The following MBD5 variants were observed in gnomAD, a reference collection of about 807,000 sequenced individuals.
The protein encoded by MBD5 is methyl-CpG binding domain protein 5.
A neutral mutation model predicts 117.3 loss-of-function variants in MBD5; 13 were observed. That is an observed-to-expected ratio of 0.11 (90% confidence interval 0.07 to 0.18). The LOEUF (loss-of-function observed/expected upper bound fraction) is 0.18. Ranked by LOEUF, MBD5 falls within the 10% of genes least tolerant of loss-of-function variation. The probability of loss-of-function intolerance (pLI) is 1.00; values close to 1 mark genes in which losing one functional copy is unlikely to be tolerated. For missense variants in MBD5, 1,879 were observed against 2,093.8 expected (o/e 0.90, Z 2.00); for synonymous variants, 727 against 766.4 (o/e 0.95, Z 0.85).
At chr2:148,240,877 TTATG>T (rs1244620304) in intron 3 of MBD5, among the ~76,000 whole-genome samples, 1 of 152,108 alleles carries the variant, frequency 6.6e-6, no homozygotes, top group Non-Finnish European at 1.5e-5. Flanking sequence ...AAAATATTTG[TTATG>T]GTAAAATATA....
intron 1 of MBD5, among the ~76,000 whole-genome samples, chr2:148,084,014 C>CT (rs1695716072): frequency 6.6e-6 from 1 of 152,068 alleles, no homozygotes; most frequent in Non-Finnish European, 1.5e-5. Flanking sequence ...AAGACTTTTC[C>CT]TCCTCAAGAT....
chr2:148,185,745 A>C (rs982355355), intron 2 of MBD5, among the ~76,000 whole-genome samples: 1 of 152,164 alleles, frequency 6.6e-6, no homozygotes, highest in Non-Finnish European at 1.5e-5. Flanking sequence ...CTACTAAAAA[A>C]TGTAAAAGTA....
At chr2:148,033,069 G>A (rs180721377) in intron 1 of MBD5, among the ~76,000 whole-genome samples, 1 of 152,178 alleles carries the variant, frequency 6.6e-6, no homozygotes, top group Non-Finnish European at 1.5e-5. Context: ...GGACAGCTTA[G>A]AAGATCCTTA....
chr2:148,333,826 C>A (rs987382772), intron 3 of MBD5, among the ~76,000 whole-genome samples: 4 of 151,760 alleles, frequency 2.6e-5, no homozygotes, highest in African/African-American at 9.7e-5. Context: ...CCACTGCACT[C>A]CAGCCTGGAC....
Position 148,107,236 on chromosome 2 carries a change from C to T in MBD5, c.-924-71464C>T, listed in dbSNP as rs143266687. Among the ~76,000 whole-genome samples, 284 of 152,080 alleles carry T rather than the reference C, an allele frequency of 1.9e-3. 6 individuals carry two copies. Among genetic ancestry groups the T allele is most frequent in the Admixed American group, 0.017 (253 of 15,262 alleles). ...GTTGAAGATATTATTTTAGTGTCTT[C>T]GGGCTTCTACTATTTCTTTTGAAAA... On this transcript the variant is annotated intron_variant, in intron 1 of 13. Coordinates refer to ENST00000642680, the MANE Select transcript of MBD5 (RefSeq NM_001378120.1).
intron 10 of MBD5, among the ~76,000 whole-genome samples, chr2:148,486,511 T>G (rs1293125530): frequency 6.6e-6 from 1 of 152,050 alleles, no homozygotes; most frequent in African/African-American, 2.4e-5. Context: ...AGATAAAAAT[T>G]TAAAATCTCT....
intron 1 of MBD5, among the ~76,000 whole-genome samples, chr2:148,158,868 C>T (rs1311649420): frequency 1.3e-5 from 2 of 152,188 alleles, no homozygotes; most frequent in Non-Finnish European, 2.9e-5. Flanking sequence ...TACAGGCGCC[C>T]GCCACCATGC....
chr2:148,205,789 G>T (rs1416317424), intron 2 of MBD5, among the ~76,000 whole-genome samples: 1 of 152,120 alleles, frequency 6.6e-6, no homozygotes, highest in Non-Finnish European at 1.5e-5. Flanking sequence ...ACTGTTGGAG[G>T]CCAAGGCAGA....
chr2:148,446,756 A>G (rs1706545399), intron 4 of MBD5, among the ~76,000 whole-genome samples: 1 of 152,050 alleles, frequency 6.6e-6, no homozygotes, highest in Non-Finnish European at 1.5e-5. Context: ...AAAATAAGTT[A>G]GAGTGTTTCA....
intron 3 of MBD5, among the ~76,000 whole-genome samples, chr2:148,249,600 C>T (rs1700418605): frequency 6.6e-6 from 1 of 152,132 alleles, no homozygotes; most frequent in Non-Finnish European, 1.5e-5. Flanking sequence ...CATGTAGATA[C>T]TGTACTATAT....
At chr2:148,361,355 C>CACAA (rs752678278) in intron 4 of MBD5, among the ~76,000 whole-genome samples, 1 of 142,312 alleles carries the variant, frequency 7.0e-6, no homozygotes, top group Non-Finnish European at 1.5e-5. Flanking sequence ...GTCTCAAAAA[C>CACAA]ACAAACAAAA....
At chr2:148,348,032 C>T (rs1193701700) in intron 4 of MBD5, among the ~76,000 whole-genome samples, 4 of 151,836 alleles carry the variant, frequency 2.6e-5, no homozygotes, top group Admixed American at 2.0e-4. Context: ...TCACCTTGTA[C>T]GATGGAAATA....
intron 1 of MBD5, among the ~76,000 whole-genome samples, chr2:148,046,044 T>C (rs947362193): frequency 3.7e-5 from 5 of 136,092 alleles, no homozygotes; most frequent in African/African-American, 1.1e-4. Flanking sequence ...AGTGCAGTGG[T>C]GCAATCTCGG....
intron 3 of MBD5, among the ~76,000 whole-genome samples, chr2:148,303,665 C>T (rs939356202): frequency 6.6e-6 from 1 of 152,098 alleles, no homozygotes; most frequent in Non-Finnish European, 1.5e-5. Context: ...AAAGATCTGT[C>T]GTTTTTGTGA....
intron 4 of MBD5, among the ~76,000 whole-genome samples, chr2:148,395,687 A>G (rs1254449301): frequency 6.6e-6 from 1 of 152,068 alleles, no homozygotes; most frequent in Non-Finnish European, 1.5e-5. Context: ...GGCCTCTCAA[A>G]GTGCAGGGAT....
chr2:148,314,227 C>T (rs573675014), intron 3 of MBD5, among the ~76,000 whole-genome samples: 3 of 152,034 alleles, frequency 2.0e-5, no homozygotes, highest in African/African-American at 4.8e-5. Flanking sequence ...TTCCTACAGA[C>T]ATACGCTTCC....
intron 4 of MBD5, among the ~76,000 whole-genome samples, chr2:148,455,573 A>G (rs1706855906): frequency 6.6e-6 from 1 of 152,122 alleles, no homozygotes; most frequent in Non-Finnish European, 1.5e-5. Flanking sequence ...TCCCAGAACC[A>G]TGTTAGAGAA....
chr2:148,154,782 G>T (rs926299184), intron 1 of MBD5, among the ~76,000 whole-genome samples: 1 of 152,172 alleles, frequency 6.6e-6, no homozygotes, highest in Non-Finnish European at 1.5e-5. Flanking sequence ...GCCTTGCCCT[G>T]CTTCGGCTCG....
intron 3 of MBD5, among the ~76,000 whole-genome samples, chr2:148,304,924 G>A (rs1701855477): frequency 6.6e-6 from 1 of 151,964 alleles, no homozygotes; most frequent in African/African-American, 2.4e-5. Context: ...AATTAGCCGG[G>A]CGTAGTGGCG....
Sources: allele counts gnomAD v4.1 joint callset (sites outside exome capture counted in the v4.1 genomes callset), GRCh38; gene constraint gnomAD v4.1.1; transcripts MANE v1.5; gene names NCBI Gene and HGNC (gene_info 2026-07-23, HGNC 2026-07-21).